Variants in PLCG2 observed in about 807,000 individuals in gnomAD.
PLCG2 encodes the protein 1-phosphatidylinositol 4,5-bisphosphate phosphodiesterase gamma-2.
In PLCG2, 69 loss-of-function variants were observed where a neutral mutation model predicts 175.6. The ratio of observed to expected loss-of-function variants is 0.39; its 90% CI spans 0.32 to 0.48. The LOEUF (loss-of-function observed/expected upper bound fraction) is 0.48. Among genes scored for constraint, PLCG2 ranks in the 20% least tolerant of loss-of-function variants. The probability of loss-of-function intolerance (pLI) is 0.91; values close to 1 mark genes in which losing one functional copy is unlikely to be tolerated. For missense variants in PLCG2, 1,798 were observed against 1,650.9 expected (o/e 1.09, Z -1.54); for synonymous variants, 827 against 624.0 (o/e 1.33, Z -4.85).
At chr16:81,758,644 T>C (rs1479604964) in intron 2 of PLCG2, among the ~76,000 whole-genome samples, 9 of 151,788 alleles carry the variant, frequency 5.9e-5, no homozygotes, top group African/African-American at 2.2e-4. Flanking sequence ...AATTTCTCCA[T>C]ATCCTCACCA....
intron 5 of PLCG2, among the ~76,000 whole-genome samples, chr16:81,859,625 C>T (rs1410209241): frequency 3.3e-5 from 5 of 151,988 alleles, no homozygotes; most frequent in African/African-American, 9.7e-5. Flanking sequence ...AGCTCCGCCT[C>T]CTGGGTTCAT....
chr16:81,885,053 A>ATT (rs36126447), intron 9 of PLCG2, among the ~76,000 whole-genome samples: 2 of 139,232 alleles, frequency 1.4e-5, no homozygotes, highest in Non-Finnish European at 3.2e-5. Context: ...ATGCCTGACA[A>ATT]TTTTTTTTTT....
chr16:81,743,012 C>T (rs1597300113), intron 1 of PLCG2, among the ~76,000 whole-genome samples: 1 of 152,274 alleles, frequency 6.6e-6, no homozygotes, highest in East Asian at 1.9e-4. Flanking sequence ...GACAGAAGAA[C>T]CAGTCTAGCT....
chr16:81,950,397 C>T (rs749551100), intron 31 of PLCG2, among the ~76,000 whole-genome samples: 10 of 152,100 alleles, frequency 6.6e-5, no homozygotes, highest in South Asian at 2.1e-4. Flanking sequence ...TAGCAAATAG[C>T]ATAGTACCTA....
intron 5 of PLCG2, among the ~76,000 whole-genome samples, chr16:81,867,789 C>G (rs1027236441): frequency 6.6e-6 from 1 of 152,104 alleles, no homozygotes; most frequent in African/African-American, 2.4e-5. Context: ...GCTCCGCCTC[C>G]CGAATTCACG....
In PLCG2 at chr16:81,854,472, C is replaced by G. The variant is rs753227282; in HGVS notation, c.222C>G (p.Arg74=). 6.2e-7 allele frequency: 1 copy of G among 1,614,008 alleles called. No individual in the cohort carries two copies. The highest frequency in any genetic ancestry group is 8.5e-7 in the Non-Finnish European group (1 of 1,179,872). ...FLDIMEIKEI[R]PGKNSKDFER... The stretch of plus-strand genomic sequence containing the variant: ...ATATCATGGAAATAAAAGAAATCCG[C>G]CCAGGGAAGAACTCCAAAGATTTCG... Residue 74 remains arginine, a synonymous_variant, in exon 3 of 33, where the codon CGC becomes CGG. Transcript: ENST00000564138.
rs149033566 is a variant in PLCG2 at position 81,908,938 on chromosome 16, G to T, written c.1733+347G>T. 1.2e-3 allele frequency among the ~76,000 whole-genome samples: 183 copies of T among 152,322 alleles called. 3 individuals are homozygous for T. The highest frequency in any genetic ancestry group is 4.2e-3 in the African/African-American group (176 of 41,564). On this transcript the variant is annotated intron_variant, in intron 17 of 32. Coordinates refer to ENST00000564138, the MANE Select transcript of PLCG2 (RefSeq NM_002661.5). ...TTCCCCGATCCCAGCCCTGGAGTGG[G>T]TCATGTGGCTCTGGATGATTCAGCC...
chr16:81,885,461 G>T (rs1482255648), intron 9 of PLCG2, among the ~76,000 whole-genome samples: 11 of 152,148 alleles, frequency 7.2e-5, no homozygotes, highest in Admixed American at 6.6e-4. Flanking sequence ...ACTGTGCCCG[G>T]CCCACTTTGC....
At position 81,935,966 on chromosome 16, in the gene PLCG2, C is replaced by T. The variant is rs1294398187; in HGVS notation, c.2843-203C>T. The T allele has an allele frequency of 7.1e-6, 7 of 984,614 alleles. No individual in the cohort carries two copies. The Admixed American group carries it at 1.8e-4, about 26-fold the overall frequency. 61.0% of individuals were successfully genotyped at this position (984,614 alleles called of 1,614,324 possible). On this transcript the variant is annotated intron_variant, in intron 26 of 32. Transcript: ENST00000564138. ...CCTAAAAGGTGGTGGGAAAACTAGG[C>T]CCCTTTTTAATACTTGGAACCCCCA...
At chr16:81,836,918 A>G (rs555594880) in intron 2 of PLCG2, among the ~76,000 whole-genome samples, 1 of 152,288 alleles carries the variant, frequency 6.6e-6, no homozygotes, top group Admixed American at 6.5e-5. Context: ...GCACACGGGC[A>G]TGTACTCAGT....
intron 14 of PLCG2, among the ~76,000 whole-genome samples, chr16:81,904,310 C>A (rs1401348551): frequency 1.3e-5 from 2 of 152,232 alleles, no homozygotes; most frequent in Non-Finnish European, 2.9e-5. Context: ...CAGCCAAGGT[C>A]ACATGGCCAG....
chr16:81,918,354 C>A (rs1372921208), intron 19 of PLCG2, among the ~76,000 whole-genome samples: 1 of 152,118 alleles, frequency 6.6e-6, no homozygotes, highest in African/African-American at 2.4e-5. Context: ...AGTCTTTAAT[C>A]CATTTTGAGC....
chr16:81,823,758 G>A (rs1165699335), intron 2 of PLCG2, among the ~76,000 whole-genome samples: 1 of 149,778 alleles, frequency 6.7e-6, no homozygotes, highest in African/African-American at 2.5e-5. Context: ...TTGAATTCCT[G>A]GCCTCAAGCA....
intron 2 of PLCG2, among the ~76,000 whole-genome samples, chr16:81,842,220 G>A (rs1905872156): frequency 6.6e-6 from 1 of 152,160 alleles, no homozygotes; most frequent in South Asian, 2.1e-4. Context: ...TTCTTCCCAG[G>A]TGAGCTCCAG....
At chr16:81,923,012 C>A (rs1385870857) in intron 21 of PLCG2, among the ~76,000 whole-genome samples, 1 of 152,130 alleles carries the variant, frequency 6.6e-6, no homozygotes, top group African/African-American at 2.4e-5. Context: ...AGCAATGAGG[C>A]CCTCAGGACA....
At position 81,960,165 on chromosome 16, in the gene PLCG2, T is replaced by G. The variant is rs1597159362; in HGVS notation, c.*2167T>G. ...TGAGAGAGTACTTTCTTCGGTTCTTTCCTCCTGTCCTTGACAGAGTAACAC... is the reference window on the plus strand; with the variant it reads ...TGAGAGAGTACTTTCTTCGGTTCTTGCCTCCTGTCCTTGACAGAGTAACAC... On this transcript the variant is annotated 3_prime_UTR_variant, in exon 33 of 33. Coordinates refer to ENST00000564138, the MANE Select transcript of PLCG2 (RefSeq NM_002661.5). The G allele has an allele frequency of 4.5e-6, 1 of 220,534 alleles. No individual in the cohort carries two copies. The highest frequency in any genetic ancestry group is 2.2e-5 in the African/African-American group (1 of 44,536). The allele number at this position is 220,534 out of a possible 1,614,324, so 13.7% of individuals were successfully genotyped here.
intron 7 of PLCG2, among the ~76,000 whole-genome samples, chr16:81,871,171 G>A (rs955400306): frequency 6.6e-6 from 1 of 152,178 alleles, no homozygotes; most frequent in African/African-American, 2.4e-5. Flanking sequence ...CTTCCTGGTG[G>A]AAATGCGAAT....
intron 24 of PLCG2, among the ~76,000 whole-genome samples, chr16:81,931,108 T>G (rs560824171): frequency 1.1e-3 from 165 of 150,846 alleles, no homozygotes; most frequent in African/African-American, 3.9e-3. Context: ...TAATGTTTGT[T>G]TTTTTTTCCT....
At chr16:81,817,300 G>T (rs1017682519) in intron 2 of PLCG2, among the ~76,000 whole-genome samples, 1 of 152,222 alleles carries the variant, frequency 6.6e-6, no homozygotes, top group African/African-American at 2.4e-5. Context: ...AATAATATTA[G>T]TACCTGTGCC....
Sources: allele counts gnomAD v4.1 joint callset (sites outside exome capture counted in the v4.1 genomes callset), GRCh38; gene constraint gnomAD v4.1.1; transcripts MANE v1.5; gene names NCBI Gene and HGNC (gene_info 2026-07-23, HGNC 2026-07-21).